The following OR2L13 variants were observed in gnomAD, a reference collection of about 807,000 sequenced individuals.
OR2L13 encodes the protein olfactory receptor 2L13.
A neutral mutation model predicts 15.3 loss-of-function variants in OR2L13; 14 were observed. The observed-to-expected ratio is 0.91, with a 90% CI of 0.60 to 1.43. OR2L13 has a LOEUF of 1.43. Among genes scored for constraint, OR2L13 ranks in the 40% most tolerant of loss-of-function variants. The probability of loss-of-function intolerance (pLI) is 0.00; values close to 1 mark genes in which losing one functional copy is unlikely to be tolerated. For missense variants in OR2L13, 367 were observed against 387.9 expected, an observed-to-expected ratio of 0.95 and a Z score of 0.45; for synonymous variants, 152 against 142.9, an observed-to-expected ratio of 1.06 and a Z score of -0.45.
the OR2L13 span, among the ~76,000 whole-genome samples, chr1:248,044,925 C>T: frequency 6.7e-6 from 1 of 148,828 alleles, no homozygotes; most frequent in South Asian, 2.2e-4. Flanking sequence ...TAAACTTTCT[C>T]TGCTGCAACT....
the OR2L13 span, chr1:248,022,581 G>A: frequency 0.031 from 50,055 of 1,614,080 alleles, 937 homozygotes; most frequent in Middle Eastern, 0.046. Flanking sequence ...TCCCTTCACT[G>A]GCATTGCGTG....
upstream of OR2L13, among the ~76,000 whole-genome samples, chr1:248,091,571 C>T (rs778566183): frequency 1.3e-5 from 2 of 151,284 alleles, no homozygotes; most frequent in East Asian, 1.9e-4. Context: ...TTGTTGGCTT[C>T]GTTGAAAATC....
At chr1:248,064,990 C>T in the OR2L13 span, among the ~76,000 whole-genome samples, 1 of 152,214 alleles carries the variant, frequency 6.6e-6, no homozygotes, top group Admixed American at 6.5e-5. Flanking sequence ...CTCCTTTCCC[C>T]TTGTGGTCAT....
the OR2L13 span, among the ~76,000 whole-genome samples, chr1:248,068,870 A>G: frequency 6.6e-6 from 1 of 152,222 alleles, no homozygotes; most frequent in Non-Finnish European, 1.5e-5. Flanking sequence ...AAGAAAGGGT[A>G]TCAGTGATGG....
chr1:248,042,010 T>C, the OR2L13 span: 23 of 152,168 alleles, frequency 1.5e-4, no homozygotes, highest in Non-Finnish European at 2.9e-4. Flanking sequence ...ACTGGGTATA[T>C]AACCAAAGGA....
At chr1:247,947,152 A>AT in the OR2L13 span, among the ~76,000 whole-genome samples, 3 of 152,296 alleles carry the variant, frequency 2.0e-5, no homozygotes, top group East Asian at 3.9e-4. Flanking sequence ...AAAGTTCTTT[A>AT]ATGTTACGTG....
At chr1:247,957,565 C>G in the OR2L13 span, among the ~76,000 whole-genome samples, 1 of 152,164 alleles carries the variant, frequency 6.6e-6, no homozygotes, top group Non-Finnish European at 1.5e-5. Context: ...GTGAATCCAT[C>G]TGGTCCTGGA....
the OR2L13 span, chr1:248,084,344 C>T: frequency 1.9e-6 from 3 of 1,612,792 alleles, no homozygotes; most frequent in Non-Finnish European, 2.5e-6. Context: ...TATTTCCGGT[C>T]AAGTAGTCAG....
At chr1:247,975,788 T>G in the OR2L13 span, 3 of 379,676 alleles carry the variant, frequency 7.9e-6, no homozygotes, top group Non-Finnish European at 1.4e-5. Context: ...TTTTTAAAAT[T>G]GAGTCTTGAC....
chr1:248,035,911 A>G, the OR2L13 span, among the ~76,000 whole-genome samples: 21 of 152,276 alleles, frequency 1.4e-4, no homozygotes, highest in African/African-American at 5.1e-4. Context: ...CATAAAATAT[A>G]TACTCTTGTA....
At chr1:248,083,888 G>A in the OR2L13 span, 77,139 of 1,376,842 alleles carry the variant, frequency 0.056, 7,476 homozygotes, top group African/African-American at 0.22. Flanking sequence ...AGCAGGTGGC[G>A]AAGGCCTTCT....
At chr1:248,001,912 A>C in the OR2L13 span, among the ~76,000 whole-genome samples, 1 of 152,186 alleles carries the variant, frequency 6.6e-6, no homozygotes, top group African/African-American at 2.4e-5. Flanking sequence ...TGTCTTAGAC[A>C]GCCCTCTGTA....
the OR2L13 span, among the ~76,000 whole-genome samples, chr1:247,952,875 T>C: frequency 6.6e-6 from 1 of 152,142 alleles, no homozygotes; most frequent in South Asian, 2.1e-4. Context: ...TCCATCTCTC[T>C]GAAGTTAGTT....
At chr1:247,938,469 G>A in the OR2L13 span, among the ~76,000 whole-genome samples, 16 of 152,182 alleles carry the variant, frequency 1.1e-4, no homozygotes, top group Non-Finnish European at 2.2e-4. Context: ...CTGCTGAACA[G>A]ATCTGAGGAT....
the OR2L13 span, among the ~76,000 whole-genome samples, chr1:247,970,606 G>A: frequency 6.6e-6 from 1 of 152,006 alleles, no homozygotes; most frequent in Non-Finnish European, 1.5e-5. Flanking sequence ...TTGTCAACCC[G>A]ATTTTATAAA....
chr1:247,986,002 G>T, the OR2L13 span, among the ~76,000 whole-genome samples: 2 of 152,116 alleles, frequency 1.3e-5, no homozygotes, highest in African/African-American at 2.4e-5. Context: ...GTAGATTCTG[G>T]ATATTAGCCC....
At chr1:247,984,162 C>T in the OR2L13 span, among the ~76,000 whole-genome samples, 140 of 151,788 alleles carry the variant, frequency 9.2e-4, no homozygotes, top group African/African-American at 3.2e-3. Flanking sequence ...CTGGTGGAGA[C>T]AGTAAAGGAT....
intron 2 of OR2L13, 90 bp downstream of exon 2, chr1:248,098,865 G>A (rs1664788543): frequency 6.6e-6 from 1 of 152,546 alleles, no homozygotes; most frequent in Non-Finnish European, 1.5e-5. Flanking sequence ...CCAGATTTGG[G>A]GTGGTGTAAA....
chr1:248,049,473 A>G, the OR2L13 span, among the ~76,000 whole-genome samples: 1 of 152,200 alleles, frequency 6.6e-6, no homozygotes, highest in Non-Finnish European at 1.5e-5. Context: ...GTGTTTTTTT[A>G]TAACTGAATT....
Sources: allele counts gnomAD v4.1 joint callset (sites outside exome capture counted in the v4.1 genomes callset), GRCh38; gene constraint gnomAD v4.1.1; transcripts MANE v1.5; gene names NCBI Gene and HGNC (gene_info 2026-07-23, HGNC 2026-07-21).